The following DGLUCY variants were observed in gnomAD, a reference collection of about 807,000 sequenced individuals.
DGLUCY encodes D-glutamate cyclase.
In DGLUCY, 58 loss-of-function variants were observed where a neutral mutation model predicts 58.5. The ratio of observed to expected loss-of-function variants is 0.99; its 90% CI spans 0.80 to 1.23. The LOEUF (loss-of-function observed/expected upper bound fraction) is 1.23. Ranked by LOEUF, DGLUCY falls within the 50% of genes most tolerant of loss-of-function variation. DGLUCY has a pLI of 0.00. For missense variants in DGLUCY, 779 were observed against 784.7 expected, an observed-to-expected ratio of 0.99 and a Z score of 0.09; for synonymous variants, 325 against 314.1, an observed-to-expected ratio of 1.03 and a Z score of -0.37.
intron 1 of DGLUCY, among the ~76,000 whole-genome samples, chr14:91,138,936 A>G (rs1427573656): frequency 6.6e-6 from 1 of 152,210 alleles, no homozygotes; most frequent in East Asian, 1.9e-4. Context: ...ACAAACTTTT[A>G]GGTAAAGAAC....
In DGLUCY at chr14:91,188,991, T is replaced by C. The variant is rs1260080782; in HGVS notation, c.1016T>C (p.Leu339Pro). 6.2e-7 allele frequency: 1 copy of C among 1,614,176 alleles called. No homozygotes were observed. Among genetic ancestry groups the C allele is most frequent in the Admixed American group, 1.7e-5 (1 of 60,012 alleles). Reference sequence around the variant, plus strand: ...TCGCTGTCCCATGCCCGCTCAGTGCTCATCACCACTGGGTTCCCCACACAT... The same window carrying C: ...TCGCTGTCCCATGCCCGCTCAGTGCCCATCACCACTGGGTTCCCCACACAT... ...SLSLSHARSV[L>P]ITTGFPTHFN... is the part of the protein sequence containing the mutation. The change falls in exon 9 of 14, where the codon CTC becomes CCC. Residue 339 changes from leucine (L) to proline (P), a missense_variant. Transcript: ENST00000256324.
chr14:91,076,112 C>CAA (rs34599316), intron 1 of DGLUCY, among the ~76,000 whole-genome samples: 11 of 89,378 alleles, frequency 1.2e-4, no homozygotes, highest in Non-Finnish European at 1.4e-4. Flanking sequence ...GACTCTGTCT[C>CAA]AAAAAAAAAA....
chr14:91,106,879 A>T (rs1029656886), upstream of DGLUCY, among the ~76,000 whole-genome samples: 3 of 152,332 alleles, frequency 2.0e-5, no homozygotes, highest in South Asian at 4.1e-4. Flanking sequence ...CCCAGATAAA[A>T]GTTGCAAGAG....
intron 4 of DGLUCY, among the ~76,000 whole-genome samples, chr14:91,168,056 G>A (rs935195855): frequency 3.3e-5 from 5 of 152,144 alleles, no homozygotes; most frequent in Admixed American, 3.3e-4. Context: ...CTTGAGCCCA[G>A]GAGTTTGAGA....
At chr14:91,165,134 C>T in intron 3 of DGLUCY, 2 of 410,174 alleles carry the variant, frequency 4.9e-6, no homozygotes, top group South Asian at 3.5e-5. Flanking sequence ...GAGAATATGT[C>T]CAACACATTG....
chr14:91,115,774 G>A (rs965654303), intron 1 of DGLUCY, among the ~76,000 whole-genome samples: 3 of 152,314 alleles, frequency 2.0e-5, no homozygotes, highest in Non-Finnish European at 4.4e-5. Flanking sequence ...GAGGCCAACT[G>A]GTGGCCCCTG....
At position 91,101,071 on chromosome 14, in the gene DGLUCY, CA is replaced by C. The variant is rs201352118; in HGVS notation, c.-82+40380del. On this transcript the variant is annotated intron_variant, in intron 1 of 4. Transcript: ENST00000521334. ...GGGCAACAGAGCGAGACTCCATCTC[CA>C]AAAAAAAAAAAATTATTTTATTGTG... Among the ~76,000 whole-genome samples, 480 of 141,066 alleles carry C rather than the reference CA, an allele frequency of 3.4e-3. 2 individuals are homozygous for C. The highest frequency in any genetic ancestry group is 5.1e-3 in the Non-Finnish European group (327 of 64,220). The allele number at this position is 141,066 out of a possible 152,430, so 92.5% of individuals were successfully genotyped here.
chr14:91,160,466 G>A, intron 3 of DGLUCY, 69 bp downstream of exon 3: 1 of 1,159,716 alleles, frequency 8.6e-7, no homozygotes, highest in South Asian at 1.5e-5. Flanking sequence ...ATTACCAGCT[G>A]TGTAGGGCCC....
chr14:91,134,278 C>T (rs946881354), intron 1 of DGLUCY, among the ~76,000 whole-genome samples: 22 of 152,130 alleles, frequency 1.4e-4, no homozygotes, highest in African/African-American at 4.8e-4. Context: ...GTCTTTCTGT[C>T]GTGAACATGC....
intron 1 of DGLUCY, among the ~76,000 whole-genome samples, chr14:91,151,090 T>C (rs1311360791): frequency 1.3e-5 from 2 of 152,262 alleles, no homozygotes; most frequent in African/African-American, 4.8e-5. Context: ...GTCTGACTTA[T>C]TTCAGTTTGC....
At chr14:91,181,730 G>A (rs959621848) in intron 8 of DGLUCY, among the ~76,000 whole-genome samples, 1 of 145,570 alleles carries the variant, frequency 6.9e-6, no homozygotes, top group Non-Finnish European at 1.5e-5. Flanking sequence ...CTGGAACAAT[G>A]GCGTGATCTT....
chr14:91,060,420 A>G, exon 1 of DGLUCY: 1 of 1,495,836 alleles, frequency 6.7e-7, no homozygotes, highest in Non-Finnish European at 9.0e-7. Context: ...CGCTGCTGCC[A>G]CCCTCCTCCT....
rs573462024 is a variant in DGLUCY at position 91,081,374 on chromosome 14, A to G, written c.-82+20670A>G. 2.6e-5 allele frequency among the ~76,000 whole-genome samples: 4 copies of G among 152,370 alleles called. No individual in the cohort carries two copies. The South Asian group carries it at 8.3e-4, about 32-fold the overall frequency. On this transcript the variant is annotated intron_variant, in intron 1 of 4. Transcript: ENST00000521334. ...ACGGTACTAAATTTCAAATGACTTC[A>G]TCATAAGTAATAGGGATTCATAGAC... is the stretch of plus-strand genomic sequence containing the variant.
At chr14:91,132,609 G>A (rs541240175) in intron 1 of DGLUCY, among the ~76,000 whole-genome samples, 6 of 152,070 alleles carry the variant, frequency 3.9e-5, no homozygotes, top group Non-Finnish European at 7.4e-5. Context: ...CTCTCAAGTA[G>A]CTGGGATTAC....
In DGLUCY at chr14:91,199,780, A is replaced by G. The variant is rs759369965; in HGVS notation, c.1319A>G (p.Glu440Gly). 1.9e-6 allele frequency: 3 copies of G among 1,614,162 alleles called. No homozygotes were observed. The South Asian group carries it at 3.3e-5, about 18-fold the overall frequency. ...AGATTTGACCACCTGGTGGCCATAGAGCGTGCCGGAAGAGCTGCTGATGGC... is the reference window on the plus strand; with the variant it reads ...AGATTTGACCACCTGGTGGCCATAGGGCGTGCCGGAAGAGCTGCTGATGGC... ...TPRFDHLVAIERAGRAADGNY... is the reference protein window; with the variant it reads ...TPRFDHLVAIGRAGRAADGNY... The change falls in exon 11 of 14, where the codon GAG becomes GGG. Residue 440 changes from glutamate (E) to glycine (G), a missense_variant. Transcript: ENST00000256324.
chr14:91,216,704 C>T (rs1886574816), intron 13 of DGLUCY, among the ~76,000 whole-genome samples: 1 of 151,530 alleles, frequency 6.6e-6, no homozygotes, highest in Non-Finnish European at 1.5e-5. Flanking sequence ...GACCCAAGGA[C>T]ACTGTGACTT....
chr14:91,214,615 T>C (rs1416601945), intron 12 of DGLUCY, among the ~76,000 whole-genome samples: 1 of 152,240 alleles, frequency 6.6e-6, no homozygotes, highest in Non-Finnish European at 1.5e-5. Context: ...CCTAAACCTT[T>C]TTTTCTGATG....
intron 6 of DGLUCY, 182 bp downstream of exon 6, chr14:91,173,621 G>A: frequency 5.0e-6 from 4 of 800,270 alleles, no homozygotes; most frequent in Non-Finnish European, 7.4e-6. Flanking sequence ...ACAGGAGTTT[G>A]CCACGTTCCT....
At chr14:91,066,506 G>A (rs554489891) in intron 1 of DGLUCY, among the ~76,000 whole-genome samples, 1 of 151,852 alleles carries the variant, frequency 6.6e-6, no homozygotes, top group Non-Finnish European at 1.5e-5. Context: ...TATGTCTGTG[G>A]CACCATTCTA....
Sources: allele counts gnomAD v4.1 joint callset (sites outside exome capture counted in the v4.1 genomes callset), GRCh38; gene constraint gnomAD v4.1.1; transcripts MANE v1.5; gene names NCBI Gene and HGNC (gene_info 2026-07-23, HGNC 2026-07-21).